The following GRM3 variants were observed in gnomAD, a reference collection of about 807,000 sequenced individuals.
GRM3 encodes glutamate metabotropic receptor 3, also known as metabotropic glutamate receptor 3.
In GRM3, 26 loss-of-function variants were observed where a neutral mutation model predicts 70.5. The ratio of observed to expected loss-of-function variants is 0.37; its 90% CI spans 0.27 to 0.51. The LOEUF (loss-of-function observed/expected upper bound fraction) is 0.51. GRM3 is among the 20% of genes least tolerant of loss of function. The probability of loss-of-function intolerance (pLI) is 0.93; values close to 1 mark genes in which losing one functional copy is unlikely to be tolerated. For missense variants in GRM3, 859 were observed against 1,123.8 expected, an observed-to-expected ratio of 0.76 and a Z score of 3.37; for synonymous variants, 443 against 434.9, an observed-to-expected ratio of 1.02 and a Z score of -0.23.
At chr7:86,693,476 G>GGA (rs1794741536) in intron 1 of GRM3, among the ~76,000 whole-genome samples, 1 of 152,078 alleles carries the variant, frequency 6.6e-6, no homozygotes, top group Non-Finnish European at 1.5e-5. Context: ...ACATGGACCA[G>GGA]GATTCAATAG....
intron 3 of GRM3, among the ~76,000 whole-genome samples, chr7:86,823,336 C>CT (rs917966518): frequency 1.3e-4 from 19 of 151,220 alleles, no homozygotes; most frequent in African/African-American, 3.4e-4. Flanking sequence ...GATTCATCTC[C>CT]TTTTTTTTTC....
At chr7:86,744,059 A>C (rs2237552) in intron 1 of GRM3, among the ~76,000 whole-genome samples, 5,952 of 152,158 alleles carry the variant, frequency 0.039, 136 homozygotes, top group African/African-American at 0.061. Flanking sequence ...AAGACCCTAA[A>C]GCAAATGGGC....
chr7:86,695,619 A>C (rs193256568), intron 1 of GRM3, among the ~76,000 whole-genome samples: 1 of 152,316 alleles, frequency 6.6e-6, no homozygotes, highest in Admixed American at 6.5e-5. Context: ...TGAAACTGCA[A>C]GTAAGTTACT....
At chr7:86,779,615 CACCATATATTTTCATTAGT>C (rs1796990337) in intron 2 of GRM3, among the ~76,000 whole-genome samples, 1 of 152,152 alleles carries the variant, frequency 6.6e-6, no homozygotes, top group African/African-American at 2.4e-5. Flanking sequence ...ATCTAGAAAT[CACCATATATTTTCATTAGT>C]ACCATGAGAG....
chr7:86,659,088 T>C (rs1793826216), intron 1 of GRM3, among the ~76,000 whole-genome samples: 1 of 152,198 alleles, frequency 6.6e-6, no homozygotes, highest in Admixed American at 6.5e-5. Context: ...TTTTGTCCTT[T>C]CTGAATTCTG....
At chr7:86,646,015 GTGGGAGGGA>G (rs1562811329) in intron 1 of GRM3, among the ~76,000 whole-genome samples, 347 of 57,092 alleles carry the variant, frequency 6.1e-3, no homozygotes, top group Non-Finnish European at 7.3e-3. Context: ...GTGGGGGGGG[GTGGGAGGGA>G]GTTTAGGGGG....
At chr7:86,692,172 GAC>G (rs895071874) in intron 1 of GRM3, among the ~76,000 whole-genome samples, 1 of 152,156 alleles carries the variant, frequency 6.6e-6, no homozygotes, top group African/African-American at 2.4e-5. Flanking sequence ...AATAAAGGAT[GAC>G]ACACATAGCC....
At chr7:86,659,277 T>G (rs1274815318) in intron 1 of GRM3, among the ~76,000 whole-genome samples, 1 of 152,180 alleles carries the variant, frequency 6.6e-6, no homozygotes, top group Non-Finnish European at 1.5e-5. Context: ...TTTAGAAGAA[T>G]GAGAAGATAT....
intron 1 of GRM3, among the ~76,000 whole-genome samples, chr7:86,723,385 A>C (rs962982135): frequency 6.6e-6 from 1 of 152,148 alleles, no homozygotes; most frequent in Admixed American, 6.6e-5. Context: ...TATTATACAT[A>C]ATGGTGACTG....
intron 5 of GRM3, among the ~76,000 whole-genome samples, chr7:86,863,821 C>G (rs1438691291): frequency 1.3e-5 from 2 of 152,156 alleles, no homozygotes; most frequent in Non-Finnish European, 2.9e-5. Flanking sequence ...AGCTAATTTT[C>G]AACCCACAAG....
intron 1 of GRM3, among the ~76,000 whole-genome samples, chr7:86,752,192 G>GTAAA (rs2116364173): frequency 6.6e-6 from 1 of 152,168 alleles, no homozygotes; most frequent in South Asian, 2.1e-4. Flanking sequence ...ATTCACAAGA[G>GTAAA]TAAAATCTGT....
At chr7:86,697,004 G>A (rs1794834224) in intron 1 of GRM3, among the ~76,000 whole-genome samples, 1 of 152,136 alleles carries the variant, frequency 6.6e-6, no homozygotes, top group South Asian at 2.1e-4. Context: ...GGTAAAAGAT[G>A]TCTATTTCTT....
intron 1 of GRM3, among the ~76,000 whole-genome samples, chr7:86,682,735 C>A (rs1794471465): frequency 6.6e-6 from 1 of 152,052 alleles, no homozygotes; most frequent in Non-Finnish European, 1.5e-5. Flanking sequence ...AATCATTCAG[C>A]AACTATTTAT....
intron 5 of GRM3, among the ~76,000 whole-genome samples, chr7:86,863,903 C>T (rs1040635648): frequency 6.6e-6 from 1 of 152,128 alleles, no homozygotes; most frequent in African/African-American, 2.4e-5. Flanking sequence ...AGGTATGTTC[C>T]AGGTTGCAAA....
chr7:86,749,877 C>T (rs1435407233), intron 1 of GRM3, among the ~76,000 whole-genome samples: 1 of 151,948 alleles, frequency 6.6e-6, no homozygotes, highest in Non-Finnish European at 1.5e-5. Context: ...GAGTTATCCC[C>T]AGTCAAAAAC....
intron 1 of GRM3, among the ~76,000 whole-genome samples, chr7:86,649,608 G>T (rs770978723): frequency 6.6e-6 from 1 of 151,794 alleles, no homozygotes; most frequent in Admixed American, 6.6e-5. Context: ...ACACATATTT[G>T]AGTAAATTCA....
intron 1 of GRM3, among the ~76,000 whole-genome samples, chr7:86,653,291 C>T (rs1321822031): frequency 3.9e-5 from 6 of 152,196 alleles, no homozygotes; most frequent in Admixed American, 2.6e-4. Flanking sequence ...GCAATCACAT[C>T]GGGAGCTAGG....
chr7:86,818,391 A>G (rs935523840), intron 3 of GRM3, among the ~76,000 whole-genome samples: 4 of 152,098 alleles, frequency 2.6e-5, no homozygotes, highest in African/African-American at 9.7e-5. Context: ...GTAGAATAGA[A>G]CACACCATAG....
At chr7:86,766,120 A>G (rs565032675) in intron 2 of GRM3, among the ~76,000 whole-genome samples, 1 of 152,248 alleles carries the variant, frequency 6.6e-6, no homozygotes, top group South Asian at 2.1e-4. Context: ...CACAGGGCTC[A>G]ATCCAGAGTG....
Sources: gnomAD v4.1 joint callset for allele counts (sites outside exome capture counted in the v4.1 genomes callset) on GRCh38, gnomAD v4.1.1 for gene constraint, MANE v1.5 for transcripts, NCBI Gene and HGNC (gene_info 2026-07-23, HGNC 2026-07-21) for gene names.